Variants in NUP133 observed in about 807,000 individuals in gnomAD.
The protein encoded by NUP133 is nucleoporin 133, also known as nuclear pore complex protein Nup133.
In NUP133, 66 loss-of-function variants were observed where a neutral mutation model predicts 146.2. The ratio of observed to expected loss-of-function variants is 0.45; its 90% CI spans 0.37 to 0.55. The LOEUF (loss-of-function observed/expected upper bound fraction) is 0.55, where lower values mean the gene tolerates loss of function less well. Among genes scored for constraint, NUP133 ranks in the 20% least tolerant of loss-of-function variants. The pLI, the probability that NUP133 is intolerant of heterozygous loss-of-function variation, is 0.00. For synonymous variants in NUP133, 521 were observed against 498.8 expected, an observed-to-expected ratio of 1.04 and a Z score of -0.59; for missense variants, 1,277 against 1,374.8, an observed-to-expected ratio of 0.93 and a Z score of 1.12.
At chr1:229,489,926 C>T (rs1571933311) in intron 9 of NUP133, 29 bp downstream of exon 9, 1 of 1,521,292 alleles carries the variant, frequency 6.6e-7, no homozygotes, top group Non-Finnish European at 8.9e-7. Context: ...CATATTATTG[C>T]TTTGTAATTT....
chr1:229,496,003 G>T lies in NUP133; in HGVS notation c.864C>A (p.Ser288Arg). 1 of 1,607,280 alleles carries T rather than the reference G, an allele frequency of 6.2e-7. No individual in the cohort carries two copies. Among genetic ancestry groups the T allele is most frequent in the South Asian group, 1.1e-5 (1 of 89,730 alleles). ...LWDRERSSFYSLTSSNISKWE... is the reference protein window; with the variant it reads ...LWDRERSSFYRLTSSNISKWE... Reference sequence around the variant, plus strand: ...ATTTACTGATGTTTGAACTCGTCAGGCTATAAAAGCTTGATCTCTCTCTAT... The same window carrying T: ...ATTTACTGATGTTTGAACTCGTCAGTCTATAAAAGCTTGATCTCTCTCTAT... Residue 288 changes from serine to arginine, a missense_variant, in exon 7 of 26, where the codon AGC becomes AGA. Ser to Arg is a moderately radical substitution (Grantham distance 110). This residue lies in a region of NUP133 where 952 missense variants were observed against 1,047.0 expected (regional missense o/e 0.91). Coordinates refer to ENST00000261396, the MANE Select transcript of NUP133 (RefSeq NM_018230.3).
chr1:229,498,093 A>T, intron 6 of NUP133, 43 bp downstream of exon 6: 1 of 1,386,702 alleles, frequency 7.2e-7, no homozygotes, highest in Non-Finnish European at 9.8e-7. Context: ...TTATTGATTT[A>T]ACTAAGAAAT....
rs745836000 is a variant in NUP133, at chr1:229,449,128, A to C, written c.3243T>G (p.Asp1081Glu). Reference sequence around the variant, plus strand: ...GAAGCAATGCCACGAGCACTTACTTATCTCTCTGAAGAGCTTTGCAAAGGA... The same window carrying C: ...GAAGCAATGCCACGAGCACTTACTTCTCTCTCTGAAGAGCTTTGCAAAGGA... ...LEILCKALQRDNWSSSDGKDD... is the reference protein window; with the variant it reads ...LEILCKALQRENWSSSDGKDD... The change falls in exon 24 of 26, where the codon GAT becomes GAG. Residue 1081 changes from aspartate (D) to glutamate (E), a missense_variant and splice_region_variant. This residue lies in a region of NUP133 where 952 missense variants were observed against 1,047.0 expected (regional missense o/e 0.91). Transcript: ENST00000261396. 1.9e-5 allele frequency: 30 copies of C among 1,610,926 alleles called. No homozygotes were observed. Among genetic ancestry groups the C allele is most frequent in the Non-Finnish European group, 2.5e-5 (29 of 1,177,290 alleles).
chr1:229,470,743 A>G lies in NUP133; in HGVS notation c.1913T>C (p.Leu638Pro). Residue 638 changes from leucine (L) to proline (P), a missense_variant, in exon 15 of 26, where the codon CTG (leucine) becomes CCG (proline). Around this residue, in one of 3 missense-constraint regions of NUP133, gnomAD observed 952 missense variants for 1,047.0 expected, o/e 0.91. Transcript: ENST00000261396. The stretch of plus-strand genomic sequence containing the variant: ...CTTTTCGGCATGCTCACAGAGCAAC[A>G]GTCGAGTGGCCATCGGTGTCCCTCT... ...PVRGTPMATR[L>P]LLCEHAEKLS... 6.2e-7 allele frequency: 1 copy of G among 1,614,240 alleles called. No individual in the cohort carries two copies. Among genetic ancestry groups the G allele is most frequent in the Non-Finnish European group, 8.5e-7 (1 of 1,180,042 alleles).
At chr1:229,498,431 G>T (rs1170948567) in intron 5 of NUP133, 125 bp from the exon 6 acceptor site, 2 of 601,838 alleles carry the variant, frequency 3.3e-6, no homozygotes, top group African/African-American at 1.9e-5. Context: ...AAAATAGAAC[G>T]TTGTTATTTT....
chr1:229,488,714 G>A lies in NUP133; in HGVS notation c.1195-1101C>T, dbSNP rs374670769. On this transcript the variant is annotated intron_variant, in intron 9 of 25. Coordinates refer to ENST00000261396, the MANE Select transcript of NUP133 (RefSeq NM_018230.3). ...AAAAGTAAGAATTTAAGCCAGGAAC[G>A]GTGGTGCACACCTGTAATCCCAGCT... Among the ~76,000 whole-genome samples, 257 of 152,078 alleles carry A rather than the reference G, an allele frequency of 1.7e-3. 2 individuals carry two copies. Among genetic ancestry groups the A allele is most frequent in the African/African-American group, 5.8e-3 (242 of 41,496 alleles).
In NUP133 at chr1:229,508,226, C is replaced by T; in HGVS notation, c.24G>A (p.Pro8=). Residue 8 remains proline, a synonymous_variant, in exon 1 of 26, where the codon CCG becomes CCA. Coordinates refer to ENST00000261396, the MANE Select transcript of NUP133 (RefSeq NM_018230.3). MFPAAPS[P]RTPGTGSRRG... is the part of the protein sequence containing the mutation. ...TTCGGGACCCGGTACCCGGGGTCCGCGGAGAAGGGGCGGCTGGGAACATGA... is the reference window on the plus strand; with the variant it reads ...TTCGGGACCCGGTACCCGGGGTCCGTGGAGAAGGGGCGGCTGGGAACATGA... The T allele has an allele frequency of 6.5e-7, 1 of 1,542,516 alleles. No individual in the cohort carries two copies. The highest frequency in any genetic ancestry group is 8.7e-7 in the Non-Finnish European group (1 of 1,147,274).
chr1:229,498,355 G>A, intron 5 of NUP133, 49 bp from the exon 6 acceptor site: 1 of 1,324,034 alleles, frequency 7.6e-7, no homozygotes, highest in African/African-American at 1.5e-5. Flanking sequence ...CGAATGCTAA[G>A]ATAAAATGAA....
At chr1:229,449,092 T>C (rs1660382625) in intron 24 of NUP133, 34 bp downstream of exon 24, 1 of 1,538,908 alleles carries the variant, frequency 6.5e-7, no homozygotes, top group Non-Finnish European at 9.0e-7. Context: ...GCAGTTTCTA[T>C]ACTTTCCAAA....
chr1:229,449,851 T>TTATA (rs1444482309), intron 23 of NUP133, among the ~76,000 whole-genome samples: 816 of 67,606 alleles, frequency 0.012, 9 homozygotes, highest in African/African-American at 0.026. Context: ...TATGAAGATT[T>TTATA]TATATATATA....
intron 11 of NUP133, 38 bp downstream of exon 11, chr1:229,486,333 T>C: frequency 3.9e-6 from 6 of 1,538,954 alleles, no homozygotes; most frequent in South Asian, 1.3e-5. Context: ...AAAAAATAAA[T>C]AACATAAAAA....
At chr1:229,446,075 G>A (rs1443073011) in intron 24 of NUP133, among the ~76,000 whole-genome samples, 1 of 152,146 alleles carries the variant, frequency 6.6e-6, no homozygotes, top group Non-Finnish European at 1.5e-5. Flanking sequence ...CATTTCCATA[G>A]GTGGAAGTCC....
chr1:229,463,256 T>C (rs1431791421), intron 19 of NUP133, among the ~76,000 whole-genome samples: 1 of 152,018 alleles, frequency 6.6e-6, no homozygotes, highest in Non-Finnish European at 1.5e-5. Context: ...CCAGGCATGG[T>C]GGCGAGCTCC....
At position 229,490,097 on chromosome 1, in the gene NUP133, C is replaced by T; in HGVS notation, c.1052G>A (p.Gly351Glu). 1.3e-6 allele frequency: 2 copies of T among 1,563,604 alleles called. No homozygotes were observed. The highest frequency in any genetic ancestry group is 1.7e-6 in the Non-Finnish European group (2 of 1,151,438). The stretch of plus-strand genomic sequence containing the variant: ...CCATGCTGCTGCCAAAATCACCAGC[C>T]CATCACTAATCAATAAAAAAGGAAG... ...RYLDLKQNCDGLVILAAAWHS... is the reference protein window; with the variant it reads ...RYLDLKQNCDELVILAAAWHS... The change falls in exon 9 of 26, where the codon GGG (glycine) becomes GAG (glutamate). Residue 351 changes from glycine (G) to glutamate (E), a missense_variant. By Grantham distance (98) the Gly-to-Glu change is moderately conservative. Transcript: ENST00000261396.
chr1:229,477,770 A>T lies in NUP133; in HGVS notation c.1593-10T>A, dbSNP rs1661113446. 1 of 1,597,746 alleles carries T rather than the reference A, an allele frequency of 6.3e-7. No homozygotes were observed. Among genetic ancestry groups the T allele is most frequent in the Non-Finnish European group, 8.5e-7 (1 of 1,170,238 alleles). On this transcript the variant is annotated splice_polypyrimidine_tract_variant and intron_variant, in intron 12 of 25. Transcript: ENST00000261396. ...ATGACCTAAATCTTTTCTGAAATAA[A>T]ATTGGAAAACACAAGTATTAAGGGA...
chr1:229,487,762 C>T (rs1298391586), intron 9 of NUP133, 149 bp from the exon 10 acceptor site: 1 of 539,386 alleles, frequency 1.9e-6, no homozygotes, highest in East Asian at 3.4e-5. Context: ...AGATGATTAA[C>T]AAAACATGAC....
intron 22 of NUP133, chr1:229,451,077 A>G (rs922155517): frequency 6.6e-6 from 1 of 152,064 alleles, no homozygotes; most frequent in Non-Finnish European, 1.5e-5. Flanking sequence ...TATTGCATCC[A>G]CCTTAAAATA....
chr1:229,492,388 C>T (rs889072983), intron 8 of NUP133, among the ~76,000 whole-genome samples: 14 of 151,816 alleles, frequency 9.2e-5, no homozygotes, highest in Admixed American at 2.0e-4. Context: ...ATTACAGGCA[C>T]GAGCCACTGC....
intron 12 of NUP133, among the ~76,000 whole-genome samples, chr1:229,482,305 A>G (rs1571928027): frequency 6.6e-6 from 1 of 152,280 alleles, no homozygotes; most frequent in Non-Finnish European, 1.5e-5. Flanking sequence ...TTATGGAACC[A>G]TGGGCTCAGA....
Sources: allele counts gnomAD v4.1 joint callset (sites outside exome capture counted in the v4.1 genomes callset), GRCh38; gene constraint gnomAD v4.1.1; regional missense constraint gnomAD v4.1.1; transcripts MANE v1.5; gene names NCBI Gene and HGNC (gene_info 2026-07-23, HGNC 2026-07-21).